Variants in AMZ1 observed in about 807,000 individuals in gnomAD.
The protein encoded by AMZ1 is archaelysin family metallopeptidase 1, also known as archaemetzincin-1.
In AMZ1, 39 loss-of-function variants were observed where a neutral mutation model predicts 29.9. The observed-to-expected ratio is 1.30, with a 90% CI of 1.01 to 1.70. The LOEUF is 1.70. Ranked by LOEUF, AMZ1 falls within the 40% of genes most tolerant of loss-of-function variation. The probability of loss-of-function intolerance (pLI) is 0.00; values close to 1 mark genes in which losing one functional copy is unlikely to be tolerated. For synonymous variants in AMZ1, 458 were observed against 304.0 expected, an observed-to-expected ratio of 1.51 and a Z score of -5.27; for missense variants, 1,041 against 680.6, an observed-to-expected ratio of 1.53 and a Z score of -5.89.
chr7:2,736,254 C>T (rs1490433970), intron 4 of AMZ1, among the ~76,000 whole-genome samples: 2 of 152,202 alleles, frequency 1.3e-5, no homozygotes, highest in East Asian at 1.9e-4. Flanking sequence ...CCAGAGTCCT[C>T]TCAACGGCTG....
At chr7:2,757,914 T>C (rs1791379438) in intron 4 of AMZ1, among the ~76,000 whole-genome samples, 1 of 152,222 alleles carries the variant, frequency 6.6e-6, no homozygotes, top group South Asian at 2.1e-4. Context: ...CTGACTCCTG[T>C]TCGCTGTCCC....
chr7:2,680,693 G>A (rs939439115), intron 1 of AMZ1, among the ~76,000 whole-genome samples: 18 of 152,352 alleles, frequency 1.2e-4, no homozygotes, highest in African/African-American at 2.2e-4. Flanking sequence ...CCGCTGGGCC[G>A]TGGGTTCAGC....
In AMZ1 at chr7:2,709,136, C is replaced by T; in HGVS notation, c.663C>T (p.Ala221=). Residue 221 remains alanine, a synonymous_variant, in exon 5 of 7, where the codon GCC becomes GCT. Transcript: ENST00000683327. ...SGEFPKSGPS[A]PDLALVEAAA... ...AATTCCCGAAGTCGGGGCCCAGCGCCCCTGATCTGGCCCTGGTAGAGGCAG... is the reference window on the plus strand; with the variant it reads ...AATTCCCGAAGTCGGGGCCCAGCGCTCCTGATCTGGCCCTGGTAGAGGCAG... The T allele has an allele frequency of 2.5e-6, 4 of 1,597,410 alleles. No individual in the cohort carries two copies. Among genetic ancestry groups the T allele is most frequent in the Non-Finnish European group, 3.4e-6 (4 of 1,172,474 alleles).
intron 1 of AMZ1, among the ~76,000 whole-genome samples, chr7:2,680,054 G>A (rs1675633817): frequency 6.6e-6 from 1 of 152,174 alleles, no homozygotes. Flanking sequence ...CTTCCTGTTG[G>A]GGCAAGTGGC....
At chr7:2,756,723 T>C (rs554117628) in intron 4 of AMZ1, among the ~76,000 whole-genome samples, 1 of 152,346 alleles carries the variant, frequency 6.6e-6, no homozygotes, top group East Asian at 1.9e-4. Context: ...CGCCCCTGTC[T>C]TTCCCTGGAG....
chr7:2,710,319 A>C (rs1788691727), intron 6 of AMZ1, among the ~76,000 whole-genome samples: 1 of 152,214 alleles, frequency 6.6e-6, no homozygotes, highest in South Asian at 2.1e-4. Flanking sequence ...GTCCGTATTC[A>C]TGGACATTTG....
intron 6 of AMZ1, 147 bp downstream of exon 6, chr7:2,709,963 C>A (rs760895746): frequency 1.8e-6 from 2 of 1,137,422 alleles, no homozygotes; most frequent in South Asian, 1.5e-5. Flanking sequence ...CTGGGACCTG[C>A]GCTGGGGTTG....
chr7:2,718,167 G>A lies in AMZ1; in HGVS notation c.*5289G>A, dbSNP rs1032173879. Reference sequence around the variant, plus strand: ...CTGCTCCCTGGGCTTTTTAATGAACGCACTTCTGTCACATGGAAACTGAGC... The same window carrying A: ...CTGCTCCCTGGGCTTTTTAATGAACACACTTCTGTCACATGGAAACTGAGC... On this transcript the variant is annotated 3_prime_UTR_variant, in exon 7 of 7. Coordinates refer to ENST00000683327, the MANE Select transcript of AMZ1 (RefSeq NM_001384743.1). 3.3e-5 allele frequency among the ~76,000 whole-genome samples: 5 copies of A among 152,128 alleles called. No individual in the cohort carries two copies. The highest frequency in any genetic ancestry group is 9.7e-5 in the African/African-American group (4 of 41,416).
Position 2,712,351 on chromosome 7 carries a change from G to C in AMZ1, c.970G>C (p.Ala324Pro), listed in dbSNP as rs1272835210. 6 of 1,595,682 alleles carry C rather than the reference G, an allele frequency of 3.8e-6. No individual in the cohort carries two copies. The highest frequency in any genetic ancestry group is 5.1e-6 in the Non-Finnish European group (6 of 1,170,684). ...RYQRLYTWTQ[A>P]VVGTWPSQEA... ...TTAGAGACTCTACACCTGGACTCAGGCGGTGGTGGGGACGTGGCCCAGCCA... is the reference window on the plus strand; with the variant it reads ...TTAGAGACTCTACACCTGGACTCAGCCGGTGGTGGGGACGTGGCCCAGCCA... Residue 324 changes from alanine to proline, a missense_variant, in exon 7 of 7, where the codon GCG becomes CCG. Ala to Pro is a conservative substitution (Grantham distance 27). Transcript: ENST00000683327.
chr7:2,699,544 CAT>C (rs1426650862), intron 1 of AMZ1, among the ~76,000 whole-genome samples: 27 of 149,282 alleles, frequency 1.8e-4, no homozygotes, highest in Non-Finnish European at 1.3e-4. Flanking sequence ...CCCCCCCAAA[CAT>C]ATGCTTGCTG....
intron 1 of AMZ1, among the ~76,000 whole-genome samples, chr7:2,692,670 A>G (rs1415801377): frequency 1.3e-5 from 2 of 151,742 alleles, no homozygotes; most frequent in South Asian, 4.2e-4. Flanking sequence ...CCCCGAGGGG[A>G]CTCTGAGAGG....
chr7:2,689,655 C>T (rs1178650576), intron 1 of AMZ1, among the ~76,000 whole-genome samples: 1 of 152,220 alleles, frequency 6.6e-6, no homozygotes, highest in Non-Finnish European at 1.5e-5. Context: ...AGTTTCCCCA[C>T]CTGAAACACC....
intron 1 of AMZ1, among the ~76,000 whole-genome samples, chr7:2,697,217 C>T (rs1341088346): frequency 1.3e-5 from 2 of 152,082 alleles, no homozygotes; most frequent in Non-Finnish European, 2.9e-5. Flanking sequence ...ATTCTTCTGC[C>T]TCTTGAGTAG....
downstream of AMZ1, among the ~76,000 whole-genome samples, chr7:2,722,653 G>C (rs1789471133): frequency 6.6e-6 from 1 of 152,224 alleles, no homozygotes; most frequent in African/African-American, 2.4e-5. Context: ...AGATGCAACA[G>C]AGATTTTAAA....
At chr7:2,710,983 G>A (rs1012931479) in intron 6 of AMZ1, among the ~76,000 whole-genome samples, 1 of 152,234 alleles carries the variant, frequency 6.6e-6, no homozygotes, top group Non-Finnish European at 1.5e-5. Context: ...CTCATTTGAT[G>A]CCTTCACCTG....
intron 4 of AMZ1, among the ~76,000 whole-genome samples, chr7:2,742,285 G>A (rs574883363): frequency 6.6e-6 from 1 of 152,180 alleles, no homozygotes; most frequent in East Asian, 1.9e-4. Flanking sequence ...CAAAGTGCTG[G>A]GATTACAGGT....
chr7:2,721,201 A>G (rs550986345), downstream of AMZ1, among the ~76,000 whole-genome samples: 246 of 152,258 alleles, frequency 1.6e-3, 4 homozygotes, highest in South Asian at 0.037. Context: ...TGGAAAGGCC[A>G]GGGGAGGGTG....
Position 2,712,330 on chromosome 7 carries a change from A to T in AMZ1, c.949A>T (p.Arg317Ter). Residue 317 changes from arginine (R) to a stop codon, truncating the protein, a stop_gained and splice_region_variant, in exon 7 of 7, where the codon AGA (arginine) becomes TGA (stop). Coordinates refer to ENST00000683327, the MANE Select transcript of AMZ1 (RefSeq NM_001384743.1). LOFTEE classifies it low-confidence loss of function (END_TRUNC). The part of the protein sequence containing the change: ...LGFRLIERYQ[R>*]LYTWTQAVVG... ...CTCAGCCTGTGTTTCTCCCTCTTAG[A>T]GACTCTACACCTGGACTCAGGCGGT... The T allele has an allele frequency of 7.0e-6, 11 of 1,568,784 alleles. No individual in the cohort carries two copies. The highest frequency in any genetic ancestry group is 8.6e-6 in the Non-Finnish European group (10 of 1,156,688).
At chr7:2,720,305 C>T (rs1035027854), downstream of AMZ1, among the ~76,000 whole-genome samples, 2 of 152,248 alleles carry the variant, frequency 1.3e-5, no homozygotes, top group Admixed American at 6.5e-5. Flanking sequence ...TGTTCACTCC[C>T]CGTTTCCATG....
Sources: allele counts gnomAD v4.1 joint callset (sites outside exome capture counted in the v4.1 genomes callset), GRCh38; gene constraint gnomAD v4.1.1; transcripts MANE v1.5; gene names NCBI Gene and HGNC (gene_info 2026-07-23, HGNC 2026-07-21).